Variants in MAGI2 observed in about 807,000 individuals in gnomAD.
MAGI2 encodes the protein membrane-associated guanylate kinase, WW and PDZ domain-containing protein 2.
MAGI2 carries 35 observed loss-of-function variants against 133.3 expected under a neutral mutation model. The observed-to-expected ratio is 0.26, with a 90% CI of 0.20 to 0.35. MAGI2 has a LOEUF of 0.35. Ranked by LOEUF, MAGI2 falls within the 10% of genes least tolerant of loss-of-function variation. The pLI is 1.00. For missense variants in MAGI2, 1,636 were observed against 1,863.4 expected (o/e 0.88, Z 2.25); for synonymous variants, 729 against 710.6 (o/e 1.03, Z -0.41).
At chr7:78,544,778 G>A (rs1798682652) in intron 3 of MAGI2, among the ~76,000 whole-genome samples, 1 of 151,918 alleles carries the variant, frequency 6.6e-6, no homozygotes, top group Non-Finnish European at 1.5e-5. Context: ...AGGTTGCGGT[G>A]AGCTGAGATC....
chr7:79,062,825 C>G (rs1813890895), intron 1 of MAGI2, among the ~76,000 whole-genome samples: 1 of 152,038 alleles, frequency 6.6e-6, no homozygotes, highest in African/African-American at 2.4e-5. Flanking sequence ...AATGAGGAAA[C>G]AGCTATTCTG....
intron 2 of MAGI2, among the ~76,000 whole-genome samples, chr7:78,948,603 T>G (rs1029635617): frequency 3.9e-5 from 6 of 152,126 alleles, no homozygotes; most frequent in Admixed American, 2.0e-4. Context: ...TGGAGACTCA[T>G]TTTATAGAAC....
intron 2 of MAGI2, among the ~76,000 whole-genome samples, chr7:78,917,224 T>C (rs1019639974): frequency 6.6e-6 from 1 of 151,836 alleles, no homozygotes; most frequent in Admixed American, 6.6e-5. Context: ...ATAGGCTAAA[T>C]GAAACTGAAA....
chr7:79,449,269 T>C (rs1849068535), intron 1 of MAGI2, among the ~76,000 whole-genome samples: 1 of 152,010 alleles, frequency 6.6e-6, no homozygotes, highest in South Asian at 2.1e-4. Context: ...AAAGGAGCAG[T>C]AGGAGGGAGA....
chr7:78,369,453 C>A (rs1161864013), intron 6 of MAGI2, among the ~76,000 whole-genome samples: 1 of 152,080 alleles, frequency 6.6e-6, no homozygotes, highest in African/African-American at 2.4e-5. Flanking sequence ...AGCCATTTGT[C>A]TCATGCCAAA....
At chr7:79,431,138 C>T (rs761967779) in intron 1 of MAGI2, among the ~76,000 whole-genome samples, 4 of 152,118 alleles carry the variant, frequency 2.6e-5, no homozygotes, top group Admixed American at 6.5e-5. Flanking sequence ...TCAAGTAATA[C>T]TAAATATAAG....
chr7:79,425,382 G>A (rs976231601), intron 1 of MAGI2, among the ~76,000 whole-genome samples: 18 of 151,812 alleles, frequency 1.2e-4, no homozygotes, highest in African/African-American at 3.9e-4. Context: ...AAAATTAGTA[G>A]TATTCTGACT....
chr7:78,592,405 T>C (rs1804104649), intron 3 of MAGI2, among the ~76,000 whole-genome samples: 1 of 151,794 alleles, frequency 6.6e-6, no homozygotes, highest in Admixed American at 6.6e-5. Flanking sequence ...CCATTCAGTA[T>C]CTGTCCCAAC....
chr7:79,007,177 A>G lies in MAGI2; in HGVS notation c.331T>C (p.Tyr111His). 6.2e-7 allele frequency: 1 copy of G among 1,611,458 alleles called. No individual in the cohort carries two copies. Residue 111 changes from tyrosine to histidine, a missense_variant, in exon 2 of 22, where the codon TAC (tyrosine) becomes CAC (histidine). Physicochemically the swap from Tyr to His is moderately conservative, Grantham distance 83. Around this residue, in one of 5 missense-constraint regions of MAGI2, gnomAD observed 148 missense variants for 239.0 expected, o/e 0.62. Transcript: ENST00000354212. ...GGIVDKDLRH[Y>H]LNLRFQKGSV... Reference sequence around the variant, plus strand: ...CCCTTTTGAAATCGTAAGTTGAGGTAGTGACGAAGGTCTTTATCAACAATT... The same window carrying G: ...CCCTTTTGAAATCGTAAGTTGAGGTGGTGACGAAGGTCTTTATCAACAATT...
At chr7:79,065,093 G>A (rs1000078282) in intron 1 of MAGI2, among the ~76,000 whole-genome samples, 2 of 151,980 alleles carry the variant, frequency 1.3e-5, no homozygotes, top group Non-Finnish European at 2.9e-5. Context: ...CACTGTATTT[G>A]TGGGTCTTTT....
intron 16 of MAGI2, among the ~76,000 whole-genome samples, chr7:78,155,846 C>T (rs751134260): frequency 1.6e-4 from 25 of 152,138 alleles, no homozygotes; most frequent in Non-Finnish European, 2.6e-4. Flanking sequence ...AATCTGTCAG[C>T]CTTTGGTAAA....
intron 6 of MAGI2, among the ~76,000 whole-genome samples, chr7:78,395,319 A>G (rs759500569): frequency 3.3e-5 from 5 of 152,220 alleles, no homozygotes; most frequent in Non-Finnish European, 5.9e-5. Context: ...CAATGGAAAA[A>G]GAAGAAAAAG....
intron 1 of MAGI2, among the ~76,000 whole-genome samples, chr7:79,130,894 GTCACCAATTCATTCAT>G (rs1031227288): frequency 6.7e-6 from 1 of 150,166 alleles, no homozygotes; most frequent in African/African-American, 2.5e-5. Flanking sequence ...CTTGAAGAAA[GTCACCAATTCATTCAT>G]TCATTCATTC....
intron 16 of MAGI2, among the ~76,000 whole-genome samples, chr7:78,155,740 G>T (rs1263278010): frequency 1.3e-5 from 2 of 152,186 alleles, no homozygotes; most frequent in African/African-American, 2.4e-5. Context: ...GGCCTACTTG[G>T]TCACTGACCT....
intron 1 of MAGI2, among the ~76,000 whole-genome samples, chr7:79,392,004 C>A (rs923564792): frequency 6.6e-6 from 1 of 152,088 alleles, no homozygotes; most frequent in Admixed American, 6.6e-5. Context: ...CTCTCCCTCC[C>A]CTTGACTCAC....
chr7:79,385,139 G>C (rs1160770843), intron 1 of MAGI2, among the ~76,000 whole-genome samples: 1 of 151,748 alleles, frequency 6.6e-6, no homozygotes, highest in African/African-American at 2.4e-5. Context: ...TTTCATAGTA[G>C]TACAAAACAG....
At chr7:78,718,161 G>C (rs975992215) in intron 2 of MAGI2, among the ~76,000 whole-genome samples, 1 of 152,206 alleles carries the variant, frequency 6.6e-6, no homozygotes, top group Non-Finnish European at 1.5e-5. Flanking sequence ...TAGGATTCAA[G>C]CCTGTATCTA....
chr7:79,450,642 A>G (rs17152522), intron 1 of MAGI2, among the ~76,000 whole-genome samples: 46,153 of 151,876 alleles, frequency 0.3, 7,106 homozygotes, highest in East Asian at 0.38. Context: ...CTTTAGAAGC[A>G]TATATTCTGA....
intron 6 of MAGI2, among the ~76,000 whole-genome samples, chr7:78,455,830 G>A (rs1226540676): frequency 6.6e-6 from 1 of 151,942 alleles, no homozygotes; most frequent in Non-Finnish European, 1.5e-5. Context: ...TTCTTTCAAA[G>A]GTTGACACTA....
Sources: gnomAD v4.1 joint callset for allele counts (sites outside exome capture counted in the v4.1 genomes callset) on GRCh38, gnomAD v4.1.1 for gene constraint, gnomAD v4.1.1 regional missense constraint, MANE v1.5 for transcripts, NCBI Gene and HGNC (gene_info 2026-07-23, HGNC 2026-07-21) for gene names.